The following IFT80 variants were observed in gnomAD, a reference collection of about 807,000 sequenced individuals.
The protein encoded by IFT80 is intraflagellar transport 80, also known as intraflagellar transport protein 80 homolog.
In IFT80, 79 loss-of-function variants were observed where a neutral mutation model predicts 107.9. That is an observed-to-expected ratio of 0.73 (90% CI 0.61 to 0.88). The LOEUF (loss-of-function observed/expected upper bound fraction) is 0.88, where lower values mean the gene tolerates loss of function less well. Among genes scored for constraint, IFT80 ranks in the 40% least tolerant of loss-of-function variants. IFT80 has a pLI of 0.00. For missense variants in IFT80, 797 were observed against 914.2 expected (o/e 0.87, Z 1.65); for synonymous variants, 299 against 300.9 (o/e 0.99, Z 0.07).
chr3:160,319,972 T>A, intron 8 of IFT80, 33 bp from the exon 9 acceptor site: 1 of 1,585,058 alleles, frequency 6.3e-7, no homozygotes, highest in Non-Finnish European at 8.6e-7. Flanking sequence ...AAGATGGACT[T>A]ACTGAAAAAA....
At chr3:160,315,759 T>C (rs1021666646) in intron 9 of IFT80, among the ~76,000 whole-genome samples, 2 of 152,158 alleles carry the variant, frequency 1.3e-5, no homozygotes, top group African/African-American at 4.8e-5. Flanking sequence ...AGAATCAAAA[T>C]ACATATTTAT....
At chr3:160,362,067 A>C (rs988370946) in intron 6 of IFT80, among the ~76,000 whole-genome samples, 1 of 152,200 alleles carries the variant, frequency 6.6e-6, no homozygotes, top group East Asian at 1.9e-4. Flanking sequence ...AAAACTCTTC[A>C]AAAAAATCAA....
At chr3:160,307,990 G>A (rs1716951891) in intron 9 of IFT80, among the ~76,000 whole-genome samples, 1 of 151,972 alleles carries the variant, frequency 6.6e-6, no homozygotes, top group Admixed American at 6.6e-5. Flanking sequence ...AAATCTCTTA[G>A]AAATAAGAAG....
Position 160,262,061 on chromosome 3 carries a change from G to A in IFT80, c.2224-3426C>T, listed in dbSNP as rs76715497. Among the ~76,000 whole-genome samples, 3 of 151,606 alleles carry A rather than the reference G, an allele frequency of 2.0e-5. No homozygotes were observed. The East Asian group carries it at 5.8e-4, about 29-fold the overall frequency. ...TATATTCTGCTCCCTAGACAATGTTGGAGAAGAAATATAATTTCTCCTCAA... is the reference window on the plus strand; with the variant it reads ...TATATTCTGCTCCCTAGACAATGTTAGAGAAGAAATATAATTTCTCCTCAA... On this transcript the variant is annotated intron_variant, in intron 19 of 19. Coordinates refer to ENST00000326448, the MANE Select transcript of IFT80 (RefSeq NM_020800.3).
chr3:160,295,498 C>G (rs866172619), intron 12 of IFT80, among the ~76,000 whole-genome samples: 16 of 152,072 alleles, frequency 1.1e-4, no homozygotes, highest in Middle Eastern at 3.4e-3. Context: ...AGCCCAGATA[C>G]TTGGAGGCTG....
rs1335848737 is a variant in IFT80, at chr3:160,258,511, G to A, written c.*14C>T. 6.2e-7 allele frequency: 1 copy of A among 1,613,534 alleles called. No homozygotes were observed. Among genetic ancestry groups the A allele is most frequent in the African/African-American group, 1.3e-5 (1 of 75,016 alleles). ...GTTTCAAAAGATAAAATTTCTTAAA[G>A]ATACGCATGGCATTTAGGGCTTTAA... On this transcript the variant is annotated 3_prime_UTR_variant, in exon 20 of 20. Coordinates refer to ENST00000326448, the MANE Select transcript of IFT80 (RefSeq NM_020800.3).
intron 8 of IFT80, among the ~76,000 whole-genome samples, chr3:160,333,998 G>A (rs1462184347): frequency 6.6e-6 from 1 of 152,132 alleles, no homozygotes; most frequent in African/African-American, 2.4e-5. Context: ...GGATGGCTAT[G>A]ACATCACTAG....
intron 9 of IFT80, among the ~76,000 whole-genome samples, chr3:160,315,198 G>A (rs893489998): frequency 6.6e-6 from 1 of 152,150 alleles, no homozygotes; most frequent in African/African-American, 2.4e-5. Flanking sequence ...AACAGGTACA[G>A]GGATAGTCAA....
intron 6 of IFT80, among the ~76,000 whole-genome samples, chr3:160,360,607 A>G (rs1721422442): frequency 6.6e-6 from 1 of 152,200 alleles, no homozygotes; most frequent in Non-Finnish European, 1.5e-5. Flanking sequence ...AGCCAGAAAG[A>G]AAGATCGGGT....
chr3:160,392,643 T>C (rs1182199312), intron 1 of IFT80, among the ~76,000 whole-genome samples: 1 of 152,172 alleles, frequency 6.6e-6, no homozygotes, highest in Non-Finnish European at 1.5e-5. Context: ...ATGTAAAATA[T>C]TTCACCGCCT....
At chr3:160,391,116 G>A (rs1470104301) in intron 1 of IFT80, among the ~76,000 whole-genome samples, 1 of 152,130 alleles carries the variant, frequency 6.6e-6, no homozygotes, top group Non-Finnish European at 1.5e-5. Flanking sequence ...TACCTATGGG[G>A]TAGCCCTGCT....
chr3:160,397,729 T>C (rs2108430490), intron 1 of IFT80, among the ~76,000 whole-genome samples: 1 of 148,726 alleles, frequency 6.7e-6, no homozygotes, highest in African/African-American at 2.5e-5. Flanking sequence ...TTTTTTTTTT[T>C]TTTTTTTTTG....
chr3:160,299,259 T>A, intron 12 of IFT80: 1 of 1,166,358 alleles, frequency 8.6e-7, no homozygotes, highest in South Asian at 1.8e-5. Flanking sequence ...ACCAAAAGTC[T>A]TCTCTCAGAG....
intron 7 of IFT80, among the ~76,000 whole-genome samples, chr3:160,357,062 T>G (rs1468421947): frequency 1.3e-5 from 2 of 152,182 alleles, no homozygotes; most frequent in Non-Finnish European, 2.9e-5. Context: ...TATACTGATA[T>G]TGTTACTTAT....
intron 18 of IFT80, among the ~76,000 whole-genome samples, chr3:160,272,140 A>C (rs1713857908): frequency 6.6e-6 from 1 of 152,146 alleles, no homozygotes; most frequent in Non-Finnish European, 1.5e-5. Flanking sequence ...ACAAAAAAGA[A>C]TAGGAGAAGC....
intron 5 of IFT80, among the ~76,000 whole-genome samples, chr3:160,372,369 T>TA (rs773115601): frequency 6.0e-4 from 91 of 152,366 alleles, no homozygotes; most frequent in Middle Eastern, 3.4e-3. Flanking sequence ...AGTTCAGATT[T>TA]ACAATCACCC....
rs116104632 is a variant in IFT80 at position 160,356,796 on chromosome 3, T to C, written c.640-646A>G. On this transcript the variant is annotated intron_variant, in intron 7 of 19. Transcript: ENST00000326448. ...TTGGCCTCTCAAAGCACTGGGGTTA[T>C]AGGTATGAGCTACCATACCTAGCTT... 4.5e-3 allele frequency among the ~76,000 whole-genome samples: 680 copies of C among 152,310 alleles called. 7 individuals carry two copies. Among genetic ancestry groups the C allele is most frequent in the African/African-American group, 0.016 (655 of 41,582 alleles).
intron 19 of IFT80, among the ~76,000 whole-genome samples, chr3:160,262,495 A>AT (rs61130822): frequency 0.4 from 60,217 of 151,506 alleles, 13,567 homozygotes; most frequent in African/African-American, 0.61. Flanking sequence ...AATTTTTTAA[A>AT]TTTTTTTAGA....
At chr3:160,345,636 G>A (rs1559951990) in intron 8 of IFT80, among the ~76,000 whole-genome samples, 1 of 149,136 alleles carries the variant, frequency 6.7e-6, no homozygotes. Flanking sequence ...AGAGGTTGCA[G>A]TGGGCTGAGA....
Sources: allele counts gnomAD v4.1 joint callset (sites outside exome capture counted in the v4.1 genomes callset), GRCh38; gene constraint gnomAD v4.1.1; transcripts MANE v1.5; gene names NCBI Gene and HGNC (gene_info 2026-07-23, HGNC 2026-07-21).